The following CTPS2 variants were observed in gnomAD, a reference collection of about 807,000 sequenced individuals.
CTPS2 encodes CTP synthase II.
A neutral mutation model predicts 46.8 loss-of-function variants in CTPS2; 19 were observed. The observed-to-expected ratio is 0.41, with a 90% CI of 0.28 to 0.60. The LOEUF is 0.60. CTPS2 is among the 20% of genes least tolerant of loss of function. CTPS2 has a pLI of 0.35. For missense variants in CTPS2, 286 were observed against 447.6 expected (o/e 0.64, Z 3.26); for synonymous variants, 151 against 165.2 (o/e 0.91, Z 0.66).
chrX:16,693,405 TTC>T lies in CTPS2; in HGVS notation c.519_520del (p.Asn174PhefsTer3). The T allele has an allele frequency of 8.3e-7, 1 of 1,208,990 alleles. No homozygotes were observed. Among genetic ancestry groups the T allele is most frequent in the Non-Finnish European group, 1.1e-6 (1 of 893,290 alleles). On this transcript the variant is annotated frameshift_variant, in exon 5 of 19. Coordinates refer to ENST00000359276, the MANE Select transcript of CTPS2 (RefSeq NM_175859.3). LOFTEE classifies it high-confidence loss of function. ...AAGGCTAACGTGGATATTACAGAAA[TTC>T]TCTCTTTTCGCCTTAAACTGGAATT...
intron 1 of CTPS2, among the ~76,000 whole-genome samples, chrX:16,707,344 G>T (rs1261247627): frequency 1.8e-5 from 2 of 111,563 alleles, no homozygotes; most frequent in Non-Finnish European, 3.8e-5. Flanking sequence ...GGGCAACTGA[G>T]TAAGACCACA....
intron 16 of CTPS2, among the ~76,000 whole-genome samples, chrX:16,609,927 T>TGG (rs1930180599): frequency 8.9e-6 from 1 of 112,163 alleles, no homozygotes; most frequent in African/African-American, 3.2e-5. Context: ...CAAAAATTTT[T>TGG]GAATGGCAAG....
intron 10 of CTPS2, among the ~76,000 whole-genome samples, chrX:16,675,657 C>A (rs998591767): frequency 1.8e-5 from 2 of 111,803 alleles, no homozygotes. Flanking sequence ...TAGTGGCTGC[C>A]CTAAAACATT....
chrX:16,681,892 G>A (rs1174883142), intron 9 of CTPS2, among the ~76,000 whole-genome samples: 2 of 111,282 alleles, frequency 1.8e-5, no homozygotes, highest in South Asian at 3.7e-4. Context: ...TACTACTTCC[G>A]TTCTTATATG....
In CTPS2 at chrX:16,699,870, T is replaced by C. The variant is rs1442006056; in HGVS notation, c.167-777A>G. Among the ~76,000 whole-genome samples, 23 of 111,841 alleles carry C rather than the reference T, an allele frequency of 2.1e-4. 1 individual carries two copies. The Admixed American group carries it at 2.2e-3, about 11-fold the overall frequency. ...TCCATTCTAAGGTACATAACTGTGG[T>C]CTAGAAAATTAATTTTAAGGAAAAA... On this transcript the variant is annotated intron_variant, in intron 2 of 18. Coordinates refer to ENST00000359276, the MANE Select transcript of CTPS2 (RefSeq NM_175859.3).
Position 16,619,689 on chromosome X carries a change from C to T in CTPS2, c.1449+588G>A, listed in dbSNP as rs192397472. Among the ~76,000 whole-genome samples the T allele has an allele frequency of 8.9e-5, 10 of 111,860 alleles. No homozygotes were observed. In the South Asian group the frequency reaches 1.1e-3, roughly 13 times the overall value. On this transcript the variant is annotated intron_variant, in intron 15 of 18. Transcript: ENST00000359276. The stretch of plus-strand genomic sequence containing the variant: ...GATTTCTGTTCTTCACAGTCAAATG[C>T]ATCGTAATTGACACACTCATTAATC...
chrX:16,680,708 T>C (rs1253874568), intron 9 of CTPS2, among the ~76,000 whole-genome samples: 1 of 110,909 alleles, frequency 9.0e-6, no homozygotes, highest in Non-Finnish European at 1.9e-5. Flanking sequence ...GGCGGGCGAC[T>C]TGAAGGAGTG....
chrX:16,638,712 T>C (rs916867337), intron 14 of CTPS2: 8 of 284,264 alleles, frequency 2.8e-5, no homozygotes, highest in Non-Finnish European at 5.5e-5. Context: ...ACTGCCCTCC[T>C]ACTCGGAAGT....
At chrX:16,683,302 C>A in intron 8 of CTPS2, 76 bp from the exon 9 acceptor site, 1 of 1,077,202 alleles carries the variant, frequency 9.3e-7, no homozygotes, top group South Asian at 1.9e-5. Context: ...AGCTGCTGCT[C>A]TTACTCCAAG....
chrX:16,651,013 AC>A, intron 13 of CTPS2: 1 of 1,205,029 alleles, frequency 8.3e-7, no homozygotes, highest in Non-Finnish European at 1.1e-6. Flanking sequence ...CAGAATGAGT[AC>A]TAAAAAGTCT....
chrX:16,613,649 G>T, intron 16 of CTPS2, among the ~76,000 whole-genome samples: 1 of 109,292 alleles, frequency 9.1e-6, no homozygotes, highest in Admixed American at 9.8e-5. Context: ...AGGCTGAAGT[G>T]CAGTGGCATG....
At chrX:16,691,439 C>T in intron 7 of CTPS2, 101 bp downstream of exon 7, 1 of 691,067 alleles carries the variant, frequency 1.4e-6, no homozygotes, top group Non-Finnish European at 2.3e-6. Context: ...CCAGTGCTTG[C>T]ATAAATGCCG....
At chrX:16,712,776 G>A (rs951840543), upstream of CTPS2, 9 of 112,477 alleles carry the variant, frequency 8.0e-5, no homozygotes, top group African/African-American at 2.6e-4. Context: ...GGGGAACCCC[G>A]GCTTCCTGGC....
intron 14 of CTPS2, among the ~76,000 whole-genome samples, chrX:16,633,688 G>A (rs1245647577): frequency 2.7e-5 from 3 of 111,870 alleles, no homozygotes; most frequent in East Asian, 2.8e-4. Flanking sequence ...ATCAACATTC[G>A]AAGTAGAAAA....
intron 17 of CTPS2, among the ~76,000 whole-genome samples, chrX:16,595,334 G>C (rs1929177716): frequency 9.0e-6 from 1 of 111,402 alleles, no homozygotes; most frequent in Admixed American, 9.6e-5. Context: ...ATTTAAGATA[G>C]TGTGTCTCGC....
rs773040150 is a variant in CTPS2 at position 16,683,080 on chromosome X, A to T, written c.1005+14T>A. ...GAATTACTGAGATAGCCAAAAGACCAGGCCAGGACTCACCATCAGATTCAA... is the reference window on the plus strand; with the variant it reads ...GAATTACTGAGATAGCCAAAAGACCTGGCCAGGACTCACCATCAGATTCAA... On this transcript the variant is annotated intron_variant, in intron 9 of 18. Coordinates refer to ENST00000359276, the MANE Select transcript of CTPS2 (RefSeq NM_175859.3). 1 of 1,208,679 alleles carries T rather than the reference A, an allele frequency of 8.3e-7. No homozygotes were observed. Among genetic ancestry groups the T allele is most frequent in the South Asian group, 1.8e-5 (1 of 56,373 alleles).
intron 2 of CTPS2, among the ~76,000 whole-genome samples, chrX:16,699,755 T>C (rs184318717): frequency 8.9e-6 from 1 of 112,321 alleles, no homozygotes; most frequent in Non-Finnish European, 1.9e-5. Context: ...AAGGGAACTA[T>C]CATTTATTCC....
At chrX:16,687,685 C>T (rs1019309362) in intron 8 of CTPS2, among the ~76,000 whole-genome samples, 1 of 110,530 alleles carries the variant, frequency 9.0e-6, no homozygotes, top group Non-Finnish European at 1.9e-5. Context: ...AATCTAAGCT[C>T]AGAAACTGCT....
At chrX:16,696,440 C>T (rs1426598257) in intron 4 of CTPS2, among the ~76,000 whole-genome samples, 1 of 112,175 alleles carries the variant, frequency 8.9e-6, no homozygotes, top group African/African-American at 3.2e-5. Context: ...GGAGTCAGAT[C>T]ACACTCAACC....
Sources: allele counts gnomAD v4.1 joint callset (sites outside exome capture counted in the v4.1 genomes callset), GRCh38; gene constraint gnomAD v4.1.1; transcripts MANE v1.5; gene names NCBI Gene and HGNC (gene_info 2026-07-23, HGNC 2026-07-21).